The following ADGB variants were observed in gnomAD, a reference collection of about 807,000 sequenced individuals.
ADGB encodes androglobin.
Under a neutral mutation model 210.5 loss-of-function variants are expected in ADGB, and 172 were observed. That is an observed-to-expected ratio of 0.82 (90% CI 0.72 to 0.93). The LOEUF is 0.93. ADGB is among the 40% of genes least tolerant of loss of function. The pLI is 0.00. For synonymous variants in ADGB, 658 were observed against 662.7 expected, an observed-to-expected ratio of 0.99 and a Z score of 0.11; for missense variants, 2,025 against 1,964.8, an observed-to-expected ratio of 1.03 and a Z score of -0.58.
intron 8 of ADGB, among the ~76,000 whole-genome samples, chr6:146,674,354 T>A (rs1337333133): frequency 6.6e-6 from 1 of 151,732 alleles, no homozygotes. Context: ...GAAGGAAAAT[T>A]GGTTTTTTTT....
At chr6:146,687,651 G>T (rs1157598171) in intron 10 of ADGB, among the ~76,000 whole-genome samples, 1 of 151,968 alleles carries the variant, frequency 6.6e-6, no homozygotes, top group East Asian at 1.9e-4. Flanking sequence ...TTGTGGGATG[G>T]GGTTGAGGGG....
At chr6:146,612,765 C>G (rs1186425690) in intron 1 of ADGB, among the ~76,000 whole-genome samples, 1 of 152,066 alleles carries the variant, frequency 6.6e-6, no homozygotes, top group African/African-American at 2.4e-5. Flanking sequence ...AGAAGGGAGA[C>G]AGGGAGAGAG....
At chr6:146,625,403 AT>A (rs1184654443) in intron 1 of ADGB, among the ~76,000 whole-genome samples, 2 of 151,966 alleles carry the variant, frequency 1.3e-5, no homozygotes, top group African/African-American at 2.4e-5. Context: ...CATGGCATAT[AT>A]TTTTTCATTC....
At chr6:146,697,423 G>A (rs900154370) in intron 12 of ADGB, among the ~76,000 whole-genome samples, 4 of 152,102 alleles carry the variant, frequency 2.6e-5, no homozygotes, top group Non-Finnish European at 4.4e-5. Flanking sequence ...CTTCAATAGA[G>A]TGGTGAAAAT....
chr6:146,785,525 C>T, intron 31 of ADGB, 85 bp from the exon 32 acceptor site: 2 of 1,001,474 alleles, frequency 2.0e-6, no homozygotes, highest in South Asian at 1.9e-5. Context: ...GTTTCGTTTT[C>T]GATTGAATAC....
At chr6:146,727,177 CAA>C (rs35167095) in intron 19 of ADGB, among the ~76,000 whole-genome samples, 3 of 139,390 alleles carry the variant, frequency 2.2e-5, no homozygotes, top group Non-Finnish European at 1.6e-5. Context: ...CCTTTCCTAC[CAA>C]AAAAAAAAAA....
rs1012479659 is a variant in ADGB at position 146,741,236 on chromosome 6, C to T, written c.3142C>T (p.Gln1048Ter). 2.6e-6 allele frequency: 4 copies of T among 1,550,520 alleles called. No individual in the cohort carries two copies. Among genetic ancestry groups the T allele is most frequent in the African/African-American group, 1.4e-5 (1 of 72,952 alleles). Reference sequence around the variant, plus strand: ...AATGGAGCAAGTGCCAAAGGTGTTCCAAAAAGTGGTGCCTTATCTTTATAC... The same window carrying T: ...AATGGAGCAAGTGCCAAAGGTGTTCTAAAAAGTGGTGCCTTATCTTTATAC... ...DTMEQVPKVFQKVVPYLYTKN... is the reference protein window; with the variant it reads ...DTMEQVPKVF Residue 1048 changes from glutamine to a stop codon, truncating the protein, a stop_gained, in exon 25 of 36, where the codon CAA (glutamine) becomes TAA (stop). Coordinates refer to ENST00000397944, the MANE Select transcript of ADGB (RefSeq NM_024694.4). LOFTEE classifies it high-confidence loss of function.
At chr6:146,659,700 G>A (rs899630850) in intron 5 of ADGB, among the ~76,000 whole-genome samples, 1 of 152,156 alleles carries the variant, frequency 6.6e-6, no homozygotes, top group Non-Finnish European at 1.5e-5. Context: ...GTAGCATTAA[G>A]AACAGGGTTG....
In ADGB at chr6:146,729,352, G is replaced by A. The variant is rs191340920; in HGVS notation, c.2520+611G>A. ...TTCAATTTTATTTGGAAGAGATTTAGAAAGATTTGTATTAGTTCTTCTTTA... is the reference window on the plus strand; with the variant it reads ...TTCAATTTTATTTGGAAGAGATTTAAAAAGATTTGTATTAGTTCTTCTTTA... On this transcript the variant is annotated intron_variant, in intron 20 of 35. Transcript: ENST00000397944. Among the ~76,000 whole-genome samples the A allele has an allele frequency of 3.2e-3, 488 of 152,282 alleles. 2 individuals are homozygous for A. Among genetic ancestry groups the A allele is most frequent in the Admixed American group, 5.1e-3 (78 of 15,284 alleles).
chr6:146,658,823 G>A (rs527439454), intron 5 of ADGB, among the ~76,000 whole-genome samples: 5 of 152,166 alleles, frequency 3.3e-5, no homozygotes, highest in African/African-American at 4.8e-5. Flanking sequence ...GAACGATGTG[G>A]TAGAGACTGG....
rs1182349065 is a variant in ADGB at position 146,785,710 on chromosome 6, A to G, written c.4313A>G (p.Glu1438Gly). The G allele has an allele frequency of 5.8e-6, 9 of 1,547,106 alleles. No homozygotes were observed. The highest frequency in any genetic ancestry group is 1.4e-5 in the African/African-American group (1 of 72,942). ...GAAAGCCAAACTAAACCAAAAGAAG[A>G]AGGTGAGTGGATCCTACCACCCCAG... ...ISESQTKPKE[E>G]VETAARGVKE... The change falls in exon 32 of 36, where the codon GAA becomes GGA. Residue 1438 changes from glutamate (E) to glycine (G), a missense_variant and splice_region_variant. Glu to Gly is a moderately conservative substitution (Grantham distance 98). Coordinates refer to ENST00000397944, the MANE Select transcript of ADGB (RefSeq NM_024694.4).
At chr6:146,765,701 T>C (rs1192236651) in intron 28 of ADGB, among the ~76,000 whole-genome samples, 2 of 151,472 alleles carry the variant, frequency 1.3e-5, no homozygotes, top group African/African-American at 4.8e-5. Context: ...GTAAACAACA[T>C]CTAAAATAGC....
At chr6:146,797,833 T>C (rs1778069148) in intron 33 of ADGB, among the ~76,000 whole-genome samples, 1 of 151,906 alleles carries the variant, frequency 6.6e-6, no homozygotes, top group Non-Finnish European at 1.5e-5. Context: ...AAGTAATGGG[T>C]GCACCAAAAT....
At chr6:146,807,541 C>G (rs1272928929) in intron 35 of ADGB, 1 of 1,550,528 alleles carries the variant, frequency 6.4e-7, no homozygotes, top group East Asian at 2.4e-5. Flanking sequence ...GAAAAGATGA[C>G]CCCAGCTCCT....
chr6:146,754,167 G>T (rs4365952), intron 27 of ADGB, among the ~76,000 whole-genome samples: 74,649 of 150,884 alleles, frequency 0.49, 19,759 homozygotes, highest in African/African-American at 0.68. Context: ...TATTTCCAAT[G>T]TATCTGCATA....
chr6:146,638,889 G>A (rs976643159), intron 2 of ADGB: 3 of 145,348 alleles, frequency 2.1e-5, no homozygotes, highest in Non-Finnish European at 3.0e-5. Flanking sequence ...ACAACACAAA[G>A]TGGAGCATCA....
intron 5 of ADGB, among the ~76,000 whole-genome samples, chr6:146,661,263 C>T (rs1775853507): frequency 7.8e-6 from 1 of 127,764 alleles, no homozygotes; most frequent in Non-Finnish European, 1.6e-5. Context: ...CTCTGTCGCT[C>T]AGGCTGGAGT....
intron 19 of ADGB, among the ~76,000 whole-genome samples, chr6:146,728,043 C>T (rs1776923122): frequency 6.6e-6 from 1 of 152,188 alleles, no homozygotes; most frequent in Non-Finnish European, 1.5e-5. Flanking sequence ...ACTCCAGGAC[C>T]ACCCACCGTA....
intron 13 of ADGB, among the ~76,000 whole-genome samples, chr6:146,711,363 T>C (rs1776653935): frequency 6.6e-6 from 1 of 152,084 alleles, no homozygotes; most frequent in Admixed American, 6.6e-5. Flanking sequence ...CCTGTTGTTT[T>C]TTTTTTTTAA....
Sources: allele counts gnomAD v4.1 joint callset (sites outside exome capture counted in the v4.1 genomes callset), GRCh38; gene constraint gnomAD v4.1.1; transcripts MANE v1.5; gene names NCBI Gene and HGNC (gene_info 2026-07-23, HGNC 2026-07-21).